DOCK3: variants seen among roughly 807,000 people sequenced by gnomAD.
The protein encoded by DOCK3 is dedicator of cytokinesis 3.
In DOCK3, 60 loss-of-function variants were observed where a neutral mutation model predicts 265.6. The ratio of observed to expected loss-of-function variants is 0.23; its 90% confidence interval spans 0.18 to 0.28. DOCK3 has a LOEUF of 0.28. Ranked by LOEUF, DOCK3 falls within the 10% of genes least tolerant of loss-of-function variation. The pLI, the probability that DOCK3 is intolerant of heterozygous loss-of-function variation, is 1.00. For synonymous variants in DOCK3, 881 were observed against 938.0 expected, an observed-to-expected ratio of 0.94 and a Z score of 1.11; for missense variants, 1,981 against 2,594.3, an observed-to-expected ratio of 0.76 and a Z score of 5.14.
chr3:51,013,321 A>G (rs958350729), intron 5 of DOCK3, among the ~76,000 whole-genome samples: 11 of 152,182 alleles, frequency 7.2e-5, no homozygotes, highest in African/African-American at 2.7e-4. Context: ...GGTGACCTAC[A>G]GATGGGGTTT....
rs975396776 is a variant in DOCK3, at chr3:51,246,762, C to T, written c.2139C>T (p.Cys713=). The T allele has an allele frequency of 6.2e-7, 1 of 1,613,622 alleles. No individual in the cohort carries two copies. Among genetic ancestry groups the T allele is most frequent in the Non-Finnish European group, 8.5e-7 (1 of 1,179,752 alleles). The change falls in exon 22 of 53, where the codon TGC becomes TGT. Residue 713 remains cysteine (C), a synonymous_variant. Coordinates refer to ENST00000266037, the MANE Select transcript of DOCK3 (RefSeq NM_004947.5). ...GCTGTTTGAAGTGGTATATGGACTG[C>T]TCAGCAGAACTGATTCGACAGGACC... ...LIRCLKWYMD[C]SAELIRQDHI...
At chr3:51,070,285 C>T (rs977154151) in intron 6 of DOCK3, among the ~76,000 whole-genome samples, 2 of 152,158 alleles carry the variant, frequency 1.3e-5, no homozygotes, top group Non-Finnish European at 2.9e-5. Context: ...ACAGTTATGA[C>T]TAAATTGATT....
intron 9 of DOCK3, among the ~76,000 whole-genome samples, chr3:51,136,514 A>G (rs772241404): frequency 1.3e-5 from 2 of 152,124 alleles, no homozygotes; most frequent in Non-Finnish European, 2.9e-5. Flanking sequence ...CTGGAATTAC[A>G]GGCATGAGCC....
At chr3:51,330,354 T>C in intron 33 of DOCK3, 131 bp downstream of exon 33, 1 of 706,938 alleles carries the variant, frequency 1.4e-6, no homozygotes, top group Non-Finnish European at 2.3e-6. Context: ...TTGTTCCTGA[T>C]GGTAGCAATG....
At chr3:50,788,720 C>T (rs2042311217) in intron 2 of DOCK3, among the ~76,000 whole-genome samples, 1 of 152,000 alleles carries the variant, frequency 6.6e-6, no homozygotes. Context: ...GTGGCCACCA[C>T]TCCCATGTCT....
chr3:51,330,054 C>T lies in DOCK3; in HGVS notation c.3403-84C>T, dbSNP rs139492761. Reference sequence around the variant, plus strand: ...GACAGGATCAGGAAGTAGTTTCCCACCATCCTCACCCACCACAGGAACTGG... The same window carrying T: ...GACAGGATCAGGAAGTAGTTTCCCATCATCCTCACCCACCACAGGAACTGG... On this transcript the variant is annotated intron_variant, in intron 32 of 52. Transcript: ENST00000266037. 298 of 1,351,488 alleles carry T rather than the reference C, an allele frequency of 2.2e-4. 1 individual carries two copies. In the African/African-American group the frequency reaches 3.9e-3, roughly 18 times the overall value. The allele number at this position is 1,351,488 out of a possible 1,614,324, so 83.7% of individuals were successfully genotyped here.
At position 51,346,746 on chromosome 3, in the gene DOCK3, G is replaced by T. The variant is rs1267885236; in HGVS notation, c.3916-2106G>T. On this transcript the variant is annotated intron_variant, in intron 38 of 52. Transcript: ENST00000266037. ...TCCACAATCATTGAACTAGTTTACA[G>T]TCCCACCAACAGTGTAAAAGTGTTC... is the stretch of plus-strand genomic sequence containing the variant. Among the ~76,000 whole-genome samples, 5 of 152,292 alleles carry T rather than the reference G, an allele frequency of 3.3e-5. No individual in the cohort carries two copies. The East Asian group carries it at 9.7e-4, about 29-fold the overall frequency.
At chr3:50,998,289 A>C (rs1409388240) in intron 5 of DOCK3, among the ~76,000 whole-genome samples, 2 of 152,194 alleles carry the variant, frequency 1.3e-5, no homozygotes, top group East Asian at 3.8e-4. Context: ...GCTCTTGATT[A>C]GACTAATTGG....
chr3:51,071,483 A>G (rs1344998652), intron 6 of DOCK3, among the ~76,000 whole-genome samples: 1 of 152,154 alleles, frequency 6.6e-6, no homozygotes, highest in Non-Finnish European at 1.5e-5. Flanking sequence ...TCCAGACACC[A>G]TACTTCTTTG....
At chr3:51,038,425 G>A (rs2080356146) in intron 5 of DOCK3, among the ~76,000 whole-genome samples, 2 of 152,160 alleles carry the variant, frequency 1.3e-5, no homozygotes, top group South Asian at 4.1e-4. Context: ...TCATAGAAGA[G>A]AGGCATTTGT....
In DOCK3 at chr3:51,236,413, G is replaced by A. The variant is rs978540664; in HGVS notation, c.1986G>A (p.Leu662=). 1.2e-6 allele frequency: 2 copies of A among 1,609,036 alleles called. No homozygotes were observed. Among genetic ancestry groups the A allele is most frequent in the East Asian group, 2.2e-5 (1 of 44,812 alleles). ...ATAATACAGAGAAGTACGGCCTGTT[G>A]GTTTTTCAGTCTCTGGTAAGTCACC... ...LDDNTEKYGL[L]VFQSLVFIIN... The change falls in exon 20 of 53, where the codon TTG becomes TTA. Residue 662 remains leucine, a synonymous_variant. Transcript: ENST00000266037.
chr3:51,275,366 C>T (rs2080758578), intron 25 of DOCK3, among the ~76,000 whole-genome samples, 160 bp downstream of exon 25: 1 of 152,146 alleles, frequency 6.6e-6, no homozygotes, highest in African/African-American at 2.4e-5. Context: ...CCTGTGTGTT[C>T]CCAGCAGGTT....
At chr3:51,229,317 G>T (rs2090451272) in intron 18 of DOCK3, among the ~76,000 whole-genome samples, 195 bp from the exon 19 acceptor site, 2 of 152,186 alleles carry the variant, frequency 1.3e-5, no homozygotes, top group Non-Finnish European at 2.9e-5. Context: ...TGGACATGAT[G>T]GCGCATGCCT....
intron 32 of DOCK3, among the ~76,000 whole-genome samples, chr3:51,323,458 A>G (rs2083877183): frequency 6.6e-6 from 1 of 152,240 alleles, no homozygotes; most frequent in Non-Finnish European, 1.5e-5. Flanking sequence ...AATTGGAAGT[A>G]AAACACTCCT....
chr3:51,169,986 CT>C (rs571823658), intron 12 of DOCK3, among the ~76,000 whole-genome samples: 5 of 150,632 alleles, frequency 3.3e-5, no homozygotes, highest in African/African-American at 7.5e-5. Flanking sequence ...TTGTAATTTT[CT>C]TTTTTTTATG....
At chr3:51,248,726 G>A (rs867840419) in intron 22 of DOCK3, among the ~76,000 whole-genome samples, 10 of 151,786 alleles carry the variant, frequency 6.6e-5, no homozygotes, top group South Asian at 2.1e-4. Context: ...CCGCCCGGCC[G>A]CCATCCCATC....
At position 50,915,817 on chromosome 3, in the gene DOCK3, G is replaced by A. The variant is rs141028868; in HGVS notation, c.219-18164G>A. On this transcript the variant is annotated intron_variant, in intron 4 of 52. Coordinates refer to ENST00000266037, the MANE Select transcript of DOCK3 (RefSeq NM_004947.5). ...GACTGCTCTAGGTGACCAAGGTACC[G>A]TGTTTTCAAGATGAGGGTACTACCT... Among the ~76,000 whole-genome samples the A allele has an allele frequency of 6.6e-5, 10 of 152,106 alleles. No homozygotes were observed. In the East Asian group the frequency reaches 1.7e-3, roughly 26 times the overall value.
At chr3:51,373,171 C>G (rs557239670) in intron 49 of DOCK3, among the ~76,000 whole-genome samples, 3 of 152,218 alleles carry the variant, frequency 2.0e-5, no homozygotes, top group Non-Finnish European at 4.4e-5. Flanking sequence ...CTTTGGCAAG[C>G]TGGCTGAAGA....
At chr3:51,201,675 A>G (rs2088783535) in intron 12 of DOCK3, among the ~76,000 whole-genome samples, 2 of 152,188 alleles carry the variant, frequency 1.3e-5, no homozygotes, top group South Asian at 2.1e-4. Context: ...AGCAGACCTA[A>G]TAGACATCTA....
Sources: gnomAD v4.1 joint callset for allele counts (sites outside exome capture counted in the v4.1 genomes callset) on GRCh38, gnomAD v4.1.1 for gene constraint, MANE v1.5 for transcripts, NCBI Gene and HGNC (gene_info 2026-07-23, HGNC 2026-07-21) for gene names.